Variants in LHFPL3 observed in about 807,000 individuals in gnomAD.
LHFPL3 encodes LHFPL tetraspan subfamily member 3, also known as LHFPL tetraspan subfamily member 3 protein.
A neutral mutation model predicts 19.3 loss-of-function variants in LHFPL3; 5 were observed. That is an observed-to-expected ratio of 0.26 (90% CI 0.14 to 0.54). LHFPL3 has a LOEUF of 0.54. LHFPL3 is among the 20% of genes least tolerant of loss of function. LHFPL3 has a pLI of 0.94. For missense variants in LHFPL3, 249 were observed against 307.4 expected (o/e 0.81, Z 1.42); for synonymous variants, 133 against 126.2 (o/e 1.05, Z -0.36).
chr7:104,858,605 C>T (rs1198539494), intron 2 of LHFPL3, among the ~76,000 whole-genome samples: 2 of 152,164 alleles, frequency 1.3e-5, no homozygotes, highest in Admixed American at 6.5e-5. Context: ...CTCACTGAAC[C>T]CCAACAGCCC....
At chr7:104,869,128 A>G (rs777517469) in intron 2 of LHFPL3, among the ~76,000 whole-genome samples, 86 of 152,224 alleles carry the variant, frequency 5.6e-4, no homozygotes, top group Non-Finnish European at 1.0e-3. Flanking sequence ...AAACCCTAGA[A>G]GAAAACCCTA....
At position 104,496,511 on chromosome 7, in the gene LHFPL3, T is replaced by C. The variant is rs944721487; in HGVS notation, c.445+167287T>C. 4.6e-5 allele frequency among the ~76,000 whole-genome samples: 7 copies of C among 152,246 alleles called. No homozygotes were observed. The East Asian group carries it at 7.7e-4, about 17-fold the overall frequency. On this transcript the variant is annotated intron_variant, in intron 1 of 2. Transcript: ENST00000424859. ...GTAATGGGATGGCTGGGTCAAATGG[T>C]ATTTCTAGTTCTAGATCCCTGAGGA...
intron 1 of LHFPL3, among the ~76,000 whole-genome samples, chr7:104,613,620 C>A (rs1357609362): frequency 6.6e-6 from 1 of 152,176 alleles, no homozygotes; most frequent in Non-Finnish European, 1.5e-5. Flanking sequence ...CCTCCACTCA[C>A]CCCTAATCAG....
chr7:104,456,051 C>T (rs888186856), intron 1 of LHFPL3, among the ~76,000 whole-genome samples: 2 of 152,254 alleles, frequency 1.3e-5, no homozygotes, highest in African/African-American at 2.4e-5. Context: ...TGAGGTCATA[C>T]AGTTAGTTTT....
chr7:104,874,277 A>C (rs1036043823), intron 2 of LHFPL3, among the ~76,000 whole-genome samples: 3 of 152,146 alleles, frequency 2.0e-5, no homozygotes, highest in African/African-American at 7.2e-5. Flanking sequence ...ATTACTCATA[A>C]TTGCAATCTA....
At chr7:104,559,598 T>A (rs1170078328) in intron 1 of LHFPL3, among the ~76,000 whole-genome samples, 3 of 152,180 alleles carry the variant, frequency 2.0e-5, no homozygotes, top group Non-Finnish European at 4.4e-5. Flanking sequence ...GATGGGGTTT[T>A]ATAGATATAC....
chr7:104,391,368 G>A (rs1254580954), intron 1 of LHFPL3, among the ~76,000 whole-genome samples: 2 of 152,136 alleles, frequency 1.3e-5, no homozygotes, highest in African/African-American at 4.8e-5. Context: ...TGTATAAGGT[G>A]TAAGGAAGGG....
intron 1 of LHFPL3, among the ~76,000 whole-genome samples, chr7:104,577,127 A>G (rs1397638873): frequency 2.6e-5 from 4 of 152,204 alleles, no homozygotes; most frequent in Admixed American, 2.6e-4. Context: ...GTCAATACAC[A>G]TTTACTGAAC....
At chr7:104,621,250 C>T (rs771087750) in intron 1 of LHFPL3, among the ~76,000 whole-genome samples, 3 of 152,144 alleles carry the variant, frequency 2.0e-5, no homozygotes, top group South Asian at 2.1e-4. Context: ...TTACTTGAAT[C>T]GGGGTTTTCT....
chr7:104,725,265 G>T (rs1793568660), intron 1 of LHFPL3, among the ~76,000 whole-genome samples: 1 of 152,076 alleles, frequency 6.6e-6, no homozygotes, highest in Non-Finnish European at 1.5e-5. Flanking sequence ...AGGACTTTGA[G>T]AAAAGACGTC....
At chr7:104,854,656 C>T (rs1384051465) in intron 2 of LHFPL3, among the ~76,000 whole-genome samples, 1 of 152,176 alleles carries the variant, frequency 6.6e-6, no homozygotes, top group Non-Finnish European at 1.5e-5. Flanking sequence ...TCATTTATCA[C>T]CTTCCGGTCT....
At chr7:104,708,591 T>C (rs1793234145) in intron 1 of LHFPL3, among the ~76,000 whole-genome samples, 1 of 152,186 alleles carries the variant, frequency 6.6e-6, no homozygotes, top group Non-Finnish European at 1.5e-5. Flanking sequence ...TCTTAAGTTA[T>C]ATTTACATCT....
At chr7:104,618,545 C>T (rs1791388792) in intron 1 of LHFPL3, among the ~76,000 whole-genome samples, 1 of 152,140 alleles carries the variant, frequency 6.6e-6, no homozygotes, top group Admixed American at 6.6e-5. Flanking sequence ...TAAGATTCTA[C>T]GTCTTCCAAT....
At chr7:104,447,632 A>G (rs967449221) in intron 1 of LHFPL3, among the ~76,000 whole-genome samples, 2 of 152,028 alleles carry the variant, frequency 1.3e-5, no homozygotes, top group Admixed American at 1.3e-4. Flanking sequence ...TTTAGCACCA[A>G]CGACTGCCAT....
intron 1 of LHFPL3, among the ~76,000 whole-genome samples, chr7:104,411,286 CAG>C (rs1306178753): frequency 6.6e-6 from 1 of 152,028 alleles, no homozygotes; most frequent in Non-Finnish European, 1.5e-5. Flanking sequence ...AATGAGGTGA[CAG>C]ATAACTACAG....
chr7:104,589,106 T>C (rs1408852438), intron 1 of LHFPL3, among the ~76,000 whole-genome samples: 1 of 152,200 alleles, frequency 6.6e-6, no homozygotes, highest in East Asian at 1.9e-4. Context: ...CCTTTATTTC[T>C]TTCTCCTGCC....
At chr7:104,789,371 G>T (rs568002250) in intron 2 of LHFPL3, among the ~76,000 whole-genome samples, 1 of 152,134 alleles carries the variant, frequency 6.6e-6, no homozygotes, top group Non-Finnish European at 1.5e-5. Context: ...GAGTTAGAAC[G>T]ACTCTTAACT....
At chr7:104,704,882 C>G (rs1434256597) in intron 1 of LHFPL3, among the ~76,000 whole-genome samples, 1 of 152,160 alleles carries the variant, frequency 6.6e-6, no homozygotes, top group African/African-American at 2.4e-5. Context: ...GCATTTCTCC[C>G]ACCTTGACCT....
intron 2 of LHFPL3, among the ~76,000 whole-genome samples, chr7:104,813,277 CA>C (rs71155526): frequency 0.81 from 123,098 of 151,842 alleles, 50,018 homozygotes; most frequent in East Asian, 0.91. Context: ...GATCCTGTCC[CA>C]AAAAAGTAAA....
Sources: gnomAD v4.1 joint callset for allele counts (sites outside exome capture counted in the v4.1 genomes callset) on GRCh38, gnomAD v4.1.1 for gene constraint, MANE v1.5 for transcripts, NCBI Gene and HGNC (gene_info 2026-07-23, HGNC 2026-07-21) for gene names.